Variants in CD83 observed in about 807,000 individuals in gnomAD.
CD83 encodes the protein CD83 molecule.
In CD83, 22 loss-of-function variants were observed where a neutral mutation model predicts 24.6. The observed-to-expected ratio is 0.90, with a 90% CI of 0.64 to 1.28. The LOEUF is 1.28. CD83 is among the 50% of genes most tolerant of loss of function. The pLI is 0.00. For synonymous variants in CD83, 101 were observed against 103.5 expected, an observed-to-expected ratio of 0.98 and a Z score of 0.14; for missense variants, 253 against 252.8, an observed-to-expected ratio of 1.00 and a Z score of -0.01.
intron 2 of CD83, 126 bp downstream of exon 2, chr6:14,118,191 G>C: frequency 1.6e-6 from 1 of 633,630 alleles, no homozygotes; most frequent in Non-Finnish European, 2.6e-6. Flanking sequence ...TCCCGCAGCT[G>C]AACTTGGAGT....
chr6:14,134,326 C>T (rs1318076056), intron 4 of CD83, among the ~76,000 whole-genome samples: 1 of 152,214 alleles, frequency 6.6e-6, no homozygotes, highest in Non-Finnish European at 1.5e-5. Context: ...GCTCAGGCAC[C>T]CTAGACATGC....
rs559769848 is a variant in CD83, at chr6:14,136,888, G to A, written c.*1652G>A. 6.6e-5 allele frequency: 10 copies of A among 152,046 alleles called. No individual in the cohort carries two copies. Among genetic ancestry groups the A allele is most frequent in the African/African-American group, 1.9e-4 (8 of 41,446 alleles). 9.4% of individuals were successfully genotyped at this position (152,046 alleles called of 1,614,324 possible). A position where few individuals can be genotyped will look rare whatever the true frequency, so the allele number is the denominator to read the frequency against. Reference sequence around the variant, plus strand: ...AAACATATACAAATAAAAAAATCCCGACTTTGGGATGAGTGCTAGGATGTT... The same window carrying A: ...AAACATATACAAATAAAAAAATCCCAACTTTGGGATGAGTGCTAGGATGTT... On this transcript the variant is annotated 3_prime_UTR_variant, in exon 5 of 5. Coordinates refer to ENST00000379153, the MANE Select transcript of CD83 (RefSeq NM_004233.4).
rs1047971664 is a variant in CD83 at position 14,121,180 on chromosome 6, T to G, written c.153+3115T>G. On this transcript the variant is annotated intron_variant, in intron 2 of 4. Transcript: ENST00000379153. ...TAGTAGCTCAATTTAGCTTTATGTT[T>G]ATTTTTTGAGACAGAGTGTCACCCT... Among the ~76,000 whole-genome samples the G allele has an allele frequency of 2.0e-5, 3 of 152,120 alleles. No homozygotes were observed. In the East Asian group the frequency reaches 5.8e-4, roughly 30 times the overall value.
At chr6:14,118,229 C>G (rs1200353300) in intron 2 of CD83, among the ~76,000 whole-genome samples, 164 bp downstream of exon 2, 1 of 152,306 alleles carries the variant, frequency 6.6e-6, no homozygotes, top group African/African-American at 2.4e-5. Context: ...GCCTCCCCCA[C>G]CCCATCCGCA....
chr6:14,133,739 T>C lies in CD83; in HGVS notation c.473T>C (p.Leu158Pro). ...LLALVIFYLT[L>P]IIFTCKFARL... Reference sequence around the variant, plus strand: ...GCTCTGGTTATTTTCTACTTAACACTCATCATTTTCACTTGTGTAAGTATC... The same window carrying C: ...GCTCTGGTTATTTTCTACTTAACACCCATCATTTTCACTTGTGTAAGTATC... The change falls in exon 4 of 5, where the codon CTC (leucine) becomes CCC (proline). Residue 158 changes from leucine to proline, a missense_variant. Physicochemically the swap from Leu to Pro is moderately conservative, Grantham distance 98 (BLOSUM62 -3). Transcript: ENST00000379153. 6.2e-7 allele frequency: 1 copy of C among 1,605,196 alleles called. No individual in the cohort carries two copies. Among genetic ancestry groups the C allele is most frequent in the Non-Finnish European group, 8.5e-7 (1 of 1,172,620 alleles).
chr6:14,129,248 T>A lies in CD83; in HGVS notation c.154-2272T>A, dbSNP rs545364053. Among the ~76,000 whole-genome samples, 5 of 152,348 alleles carry A rather than the reference T, an allele frequency of 3.3e-5. No homozygotes were observed. In the East Asian group the frequency reaches 9.6e-4, roughly 29 times the overall value. On this transcript the variant is annotated intron_variant, in intron 2 of 4. Transcript: ENST00000379153. This position sits in a 1 kb window ranked among gnomAD's most constrained non-coding sequence, Gnocchi z 4.3. ...CTGGGCCGAGCTAATTATTTCAAAC[T>A]GGCCTTTCAGGCCATCCTAGACACA...
chr6:14,118,279 C>T (rs1759590249), intron 2 of CD83, among the ~76,000 whole-genome samples: 1 of 152,134 alleles, frequency 6.6e-6, no homozygotes. Context: ...TCTCCGCAGA[C>T]CTCAATCCCC....
rs192258734 is a variant in CD83 at position 14,120,698 on chromosome 6, A to C, written c.153+2633A>C. On this transcript the variant is annotated intron_variant, in intron 2 of 4. Coordinates refer to ENST00000379153, the MANE Select transcript of CD83 (RefSeq NM_004233.4). ...TATGGTTATAATGACTCACAATTTA[A>C]AATTCTATTCACCACTCAATCCTCC... 5.3e-5 allele frequency among the ~76,000 whole-genome samples: 8 copies of C among 152,312 alleles called. No homozygotes were observed. In the East Asian group the frequency reaches 1.5e-3, roughly 29 times the overall value.
chr6:14,134,103 C>T (rs853359), intron 4 of CD83, among the ~76,000 whole-genome samples: 4,899 of 152,308 alleles, frequency 0.032, 249 homozygotes, highest in African/African-American at 0.11. Flanking sequence ...AGAGCAGAGG[C>T]CCCGCTCTTC....
rs1414577318 is a variant in CD83, at chr6:14,117,881, C to A, written c.37+33C>A. The stretch of plus-strand genomic sequence containing the variant: ...TCGCGAGCGCCTGTCTCGCCTGTCG[C>A]CCCCCGCCCCTCCACGACACCCCCT... On this transcript the variant is annotated intron_variant, in intron 1 of 4. Coordinates refer to ENST00000379153, the MANE Select transcript of CD83 (RefSeq NM_004233.4). The surrounding 1 kb of genome is among the most constrained non-coding windows in gnomAD (Gnocchi z 4.6). The A allele has an allele frequency of 1.9e-6, 3 of 1,576,194 alleles. No individual in the cohort carries two copies. The highest frequency in any genetic ancestry group is 2.3e-5 in the East Asian group (1 of 43,236).
intron 2 of CD83, 128 bp from the exon 3 acceptor site, chr6:14,131,392 C>G (rs1010019081): frequency 7.3e-6 from 5 of 684,476 alleles, no homozygotes; most frequent in Admixed American, 5.5e-5. Context: ...CACACACACA[C>G]AAAAGCATCA....
Position 14,135,225 on chromosome 6 carries a change from G to C in CD83, c.607G>C (p.Glu203Gln), listed in dbSNP as rs147096996. 43 of 1,614,034 alleles carry C rather than the reference G, an allele frequency of 2.7e-5. No homozygotes were observed. In the African/African-American group the frequency reaches 4.8e-4, roughly 18 times the overall value. The change falls in exon 5 of 5, where the codon GAA (glutamate) becomes CAA (glutamine). Residue 203 changes from glutamate to glutamine, a missense_variant. Glu to Gln is a conservative substitution (Grantham distance 29, BLOSUM62 2). Coordinates refer to ENST00000379153, the MANE Select transcript of CD83 (RefSeq NM_004233.4). ...AGGGCTAGTGACTCCTCACAAGACAGAACTGGTATGAGCAGGATTTCTGCA... is the reference window on the plus strand; with the variant it reads ...AGGGCTAGTGACTCCTCACAAGACACAACTGGTATGAGCAGGATTTCTGCA... ...HLGLVTPHKT[E>Q]LV
Position 14,117,909 on chromosome 6 carries a change from C to T in CD83, c.38-41C>T. ...CCCGCCCCTCCACGACACCCCCTCC[C>T]GTCGGTCGCTTGCTCACGACGCGCT... On this transcript the variant is annotated intron_variant, in intron 1 of 4. Transcript: ENST00000379153. The surrounding 1 kb of genome is among the most constrained non-coding windows in gnomAD (Gnocchi z 4.6). 1.3e-6 allele frequency: 2 copies of T among 1,586,282 alleles called. No homozygotes were observed. Among genetic ancestry groups the T allele is most frequent in the East Asian group, 2.3e-5 (1 of 43,946 alleles).
Position 14,131,613 on chromosome 6 carries a change from G to A in CD83, c.247G>A (p.Asp83Asn), listed in dbSNP as rs148966963. The A allele has an allele frequency of 1.2e-4, 186 of 1,614,020 alleles. No individual in the cohort carries two copies. The African/African-American group carries it at 1.2e-3, about 10-fold the overall frequency. ...YHQKGQNGSF[D>N]APNERPYSLK... ...TCAGAAGGGGCAAAATGGTTCTTTC[G>A]ACGCCCCCAATGAAAGGCCCTATTC... The change falls in exon 3 of 5, where the codon GAC becomes AAC. Residue 83 changes from aspartate to asparagine, a missense_variant. Coordinates refer to ENST00000379153, the MANE Select transcript of CD83 (RefSeq NM_004233.4).
intron 3 of CD83, among the ~76,000 whole-genome samples, chr6:14,132,986 C>T (rs1325865066): frequency 6.6e-6 from 1 of 152,226 alleles, no homozygotes; most frequent in African/African-American, 2.4e-5. Context: ...CTAAAGGCCT[C>T]GCTGCTCTTA....
rs1159545659 is a variant in CD83 at position 14,131,587 on chromosome 6, A to G, written c.221A>G (p.His74Arg). The change falls in exon 3 of 5, where the codon CAT becomes CGT. Residue 74 changes from histidine (H) to arginine (R), a missense_variant. His to Arg is a conservative substitution (Grantham distance 29). Coordinates refer to ENST00000379153, the MANE Select transcript of CD83 (RefSeq NM_004233.4). ...QEDHLRGQHY[H>R]QKGQNGSFDA... ...GACCACCTCAGGGGACAGCACTATC[A>G]TCAGAAGGGGCAAAATGGTTCTTTC... is the stretch of plus-strand genomic sequence containing the variant. 1 of 1,614,070 alleles carries G rather than the reference A, an allele frequency of 6.2e-7. No individual in the cohort carries two copies. The highest frequency in any genetic ancestry group is 8.5e-7 in the Non-Finnish European group (1 of 1,180,040).
Position 14,130,959 on chromosome 6 carries a change from G to A in CD83, c.154-561G>A, listed in dbSNP as rs139327983. The stretch of plus-strand genomic sequence containing the variant: ...GAAAAGGTGTGGCACATTCGGCGAC[G>A]TCAGGCATGACCACACAGAGACACA... On this transcript the variant is annotated intron_variant, in intron 2 of 4. Transcript: ENST00000379153. Among the ~76,000 whole-genome samples the A allele has an allele frequency of 4.8e-3, 727 of 152,326 alleles. 8 individuals are homozygous for A. Among genetic ancestry groups the A allele is most frequent in the African/African-American group, 0.014 (572 of 41,574 alleles).
intron 2 of CD83, among the ~76,000 whole-genome samples, chr6:14,120,566 C>G (rs1581326007): frequency 6.6e-6 from 1 of 152,212 alleles, no homozygotes; most frequent in African/African-American, 2.4e-5. Context: ...GTTTTGCCAG[C>G]TTAGGAGGGG....
chr6:14,129,863 G>GTGTA lies in CD83; in HGVS notation c.154-1656_154-1655insGTAT, dbSNP rs1185474840. Among the ~76,000 whole-genome samples, 5 of 150,550 alleles carry GTGTA rather than the reference G, an allele frequency of 3.3e-5. No individual in the cohort carries two copies. Among genetic ancestry groups the GTGTA allele is most frequent in the African/African-American group, 1.2e-4 (5 of 40,174 alleles). On this transcript the variant is annotated intron_variant, in intron 2 of 4. Coordinates refer to ENST00000379153, the MANE Select transcript of CD83 (RefSeq NM_004233.4). The surrounding 1 kb of genome is among the most constrained non-coding windows in gnomAD (Gnocchi z 4.3). The stretch of plus-strand genomic sequence containing the variant: ...TGTGTGTGTGTGTGTGTGTGTGTGT[G>GTGTA]TATACGAGTGCACACGTGCCCATGT...
Sources: allele counts gnomAD v4.1 joint callset (sites outside exome capture counted in the v4.1 genomes callset), GRCh38; gene constraint gnomAD v4.1.1; non-coding constraint Gnocchi (gnomAD v3.1); transcripts MANE v1.5; gene names NCBI Gene and HGNC (gene_info 2026-07-23, HGNC 2026-07-21).